Variants in CSMD1 observed in about 807,000 individuals in gnomAD.
CSMD1 encodes the protein CUB and sushi domain-containing protein 1.
In CSMD1, 213 loss-of-function variants were observed where a neutral mutation model predicts 417.5. The observed-to-expected ratio is 0.51, with a 90% CI of 0.46 to 0.57. The LOEUF (loss-of-function observed/expected upper bound fraction) is 0.57, where lower values mean the gene tolerates loss of function less well. Ranked by LOEUF, CSMD1 falls within the 20% of genes least tolerant of loss-of-function variation. CSMD1 has a pLI of 0.00. For synonymous variants in CSMD1, 2,862 were observed against 1,736.8 expected, an observed-to-expected ratio of 1.65 and a Z score of -16.11; for missense variants, 6,923 against 4,529.7, an observed-to-expected ratio of 1.53 and a Z score of -15.17.
chr8:4,934,727 T>C (rs1807482499), intron 1 of CSMD1, among the ~76,000 whole-genome samples: 1 of 152,220 alleles, frequency 6.6e-6, no homozygotes, highest in South Asian at 2.1e-4. Flanking sequence ...CATCCATCTA[T>C]ATATCTATAA....
intron 51 of CSMD1, among the ~76,000 whole-genome samples, chr8:3,025,594 T>G (rs181417277): frequency 7.2e-5 from 11 of 152,338 alleles, no homozygotes; most frequent in Admixed American, 2.0e-4. Flanking sequence ...GCATCTCCCT[T>G]TCCAATGACT....
chr8:4,094,005 G>T (rs1007724055), intron 3 of CSMD1, among the ~76,000 whole-genome samples: 13 of 149,808 alleles, frequency 8.7e-5, no homozygotes, highest in Non-Finnish European at 1.5e-4. Context: ...TAGATAGATA[G>T]ATAGATAAAG....
At chr8:3,098,725 C>T (rs1815515895) in intron 46 of CSMD1, among the ~76,000 whole-genome samples, 1 of 152,098 alleles carries the variant, frequency 6.6e-6, no homozygotes, top group African/African-American at 2.4e-5. Flanking sequence ...AAATTAGGGT[C>T]CGTGCCTGTG....
intron 1 of CSMD1, among the ~76,000 whole-genome samples, chr8:4,763,159 C>G (rs893063336): frequency 2.0e-5 from 3 of 152,158 alleles, no homozygotes; most frequent in Non-Finnish European, 4.4e-5. Flanking sequence ...TAAAAACTGT[C>G]AACGATCAAT....
intron 17 of CSMD1, among the ~76,000 whole-genome samples, chr8:3,394,703 A>G (rs1041794502): frequency 6.6e-6 from 1 of 152,172 alleles, no homozygotes; most frequent in Admixed American, 6.5e-5. Context: ...GATCACTGCA[A>G]TGTTTACACA....
chr8:3,731,022 T>C (rs1423042581), intron 6 of CSMD1, among the ~76,000 whole-genome samples: 1 of 152,176 alleles, frequency 6.6e-6, no homozygotes. Flanking sequence ...AACCTACAGA[T>C]ACCCATCACT....
intron 5 of CSMD1, among the ~76,000 whole-genome samples, chr8:3,852,003 G>C (rs924731874): frequency 6.6e-6 from 1 of 152,140 alleles, no homozygotes; most frequent in Admixed American, 6.5e-5. Flanking sequence ...TGGAGGGGCT[G>C]CAATCACCGG....
intron 7 of CSMD1, among the ~76,000 whole-genome samples, chr8:3,681,754 C>T (rs574484097): frequency 1.1e-3 from 162 of 152,246 alleles, no homozygotes; most frequent in African/African-American, 3.5e-3. Context: ...GCCAAAAGAA[C>T]AAAGCTGGAG....
chr8:3,318,368 C>G (rs1275356198), intron 23 of CSMD1, among the ~76,000 whole-genome samples: 2 of 152,164 alleles, frequency 1.3e-5, no homozygotes, highest in Non-Finnish European at 2.9e-5. Flanking sequence ...CGCATTGATT[C>G]ATTAATGCAA....
At chr8:3,766,332 G>A (rs907998102) in intron 5 of CSMD1, among the ~76,000 whole-genome samples, 1 of 152,206 alleles carries the variant, frequency 6.6e-6, no homozygotes, top group African/African-American at 2.4e-5. Flanking sequence ...TAAAAATCTT[G>A]GTTGCAACAA....
intron 50 of CSMD1, among the ~76,000 whole-genome samples, chr8:3,035,008 C>T (rs1204664630): frequency 1.3e-5 from 2 of 152,194 alleles, no homozygotes; most frequent in African/African-American, 4.8e-5. Flanking sequence ...CACTCAAAGG[C>T]AGTTGCAGTA....
intron 1 of CSMD1, among the ~76,000 whole-genome samples, chr8:4,949,687 A>C (rs1808607474): frequency 6.6e-6 from 1 of 152,196 alleles, no homozygotes; most frequent in African/African-American, 2.4e-5. Context: ...TGCATTAGTT[A>C]TTATGAGAAT....
chr8:4,515,756 C>G (rs1219667868), intron 2 of CSMD1, among the ~76,000 whole-genome samples: 2 of 152,222 alleles, frequency 1.3e-5, no homozygotes, highest in Admixed American at 1.3e-4. Context: ...TGGACGTGCT[C>G]TGCAACTCTC....
At chr8:4,484,555 G>C (rs959772980) in intron 2 of CSMD1, among the ~76,000 whole-genome samples, 1 of 152,086 alleles carries the variant, frequency 6.6e-6, no homozygotes, top group Non-Finnish European at 1.5e-5. Context: ...GAGTCATACT[G>C]AATACACAGA....
At chr8:3,000,220 A>T in intron 52 of CSMD1, 89 bp from the exon 53 acceptor site, 1 of 821,102 alleles carries the variant, frequency 1.2e-6, no homozygotes, top group Non-Finnish European at 1.8e-6. Flanking sequence ...AGTCAATAAC[A>T]GTATTGAAGG....
intron 1 of CSMD1, among the ~76,000 whole-genome samples, chr8:4,796,281 G>T (rs1232777826): frequency 6.6e-6 from 1 of 151,928 alleles, no homozygotes; most frequent in Non-Finnish European, 1.5e-5. Flanking sequence ...CTGGCCAGAG[G>T]ATTTGGCAGA....
rs796945186 is a variant in CSMD1 at position 3,926,102 on chromosome 8, C to A, written c.818+71801G>T. Among the ~76,000 whole-genome samples the A allele has an allele frequency of 4.9e-3, 256 of 52,044 alleles. 12 individuals are homozygous for A. The highest frequency in any genetic ancestry group is 0.037 in the East Asian group (22 of 598). 34.1% of individuals were successfully genotyped at this position (52,044 alleles called of 152,430 possible). ...CACCATACACACACACACACACACA[C>A]ACACACACACACACACACACACACA... On this transcript the variant is annotated intron_variant, in intron 5 of 69. Coordinates refer to ENST00000635120, the MANE Select transcript of CSMD1 (RefSeq NM_033225.6).
chr8:3,598,906 C>T (rs1801220568), intron 8 of CSMD1, among the ~76,000 whole-genome samples: 1 of 152,028 alleles, frequency 6.6e-6, no homozygotes, highest in Non-Finnish European at 1.5e-5. Context: ...CATAATGAAA[C>T]CCCATCTCTA....
chr8:4,076,228 C>T (rs1799815659), intron 3 of CSMD1, among the ~76,000 whole-genome samples: 1 of 152,100 alleles, frequency 6.6e-6, no homozygotes, highest in South Asian at 2.1e-4. Context: ...GGCTTTTCCC[C>T]CGTTTCTTGG....
Sources: allele counts gnomAD v4.1 joint callset (sites outside exome capture counted in the v4.1 genomes callset), GRCh38; gene constraint gnomAD v4.1.1; transcripts MANE v1.5; gene names NCBI Gene and HGNC (gene_info 2026-07-23, HGNC 2026-07-21).